The following PARN variants were observed in gnomAD, a reference collection of about 807,000 sequenced individuals.
The protein encoded by PARN is poly(A)-specific ribonuclease.
A neutral mutation model predicts 102.8 loss-of-function variants in PARN; 71 were observed. That is an observed-to-expected ratio of 0.69 (90% confidence interval 0.57 to 0.84). The LOEUF (loss-of-function observed/expected upper bound fraction) is 0.84. Ranked by LOEUF, PARN falls within the 40% of genes least tolerant of loss-of-function variation. The probability of loss-of-function intolerance (pLI) is 0.00; values close to 1 mark genes in which losing one functional copy is unlikely to be tolerated. For missense variants in PARN, 782 were observed against 760.9 expected, an observed-to-expected ratio of 1.03 and a Z score of -0.33; for synonymous variants, 261 against 252.9, an observed-to-expected ratio of 1.03 and a Z score of -0.30.
In PARN at chr16:14,482,675, G is replaced by A. The variant is rs754373655; in HGVS notation, c.1633C>T (p.Pro545Ser). The change falls in exon 22 of 24, where the codon CCC (proline) becomes TCC (serine). Residue 545 changes from proline (P) to serine (S), a missense_variant. Physicochemically the swap from Pro to Ser is moderately conservative, Grantham distance 74. Coordinates refer to ENST00000437198, the MANE Select transcript of PARN (RefSeq NM_002582.4). Reference sequence around the variant, plus strand: ...TAATAGTGATTCTGCAGGGTGTAGGGTATGCACTGGGGGTTTAACCGTTTG... The same window carrying A: ...TAATAGTGATTCTGCAGGGTGTAGGATATGCACTGGGGGTTTAACCGTTTG... ...DSKRLNPQCI[P>S]YTLQNHYYRN... 1.1e-5 allele frequency: 17 copies of A among 1,613,580 alleles called. No homozygotes were observed. Among genetic ancestry groups the A allele is most frequent in the Non-Finnish European group, 1.4e-5 (17 of 1,179,692 alleles).
intron 21 of PARN, among the ~76,000 whole-genome samples, chr16:14,505,349 C>T (rs1467189401): frequency 2.0e-5 from 3 of 152,232 alleles, no homozygotes; most frequent in East Asian, 1.9e-4. Flanking sequence ...CAGTGGCGCA[C>T]GCCTGTAGTC....
intron 1 of PARN, 136 bp from the exon 2 acceptor site, chr16:14,629,810 G>T: frequency 1.4e-6 from 1 of 723,830 alleles, no homozygotes. Context: ...CGGGGCGAGG[G>T]GAATCAAGTC....
chr16:14,501,489 ATGTAGG>A (rs1964615851), intron 21 of PARN: 1 of 148,936 alleles, frequency 6.7e-6, no homozygotes, highest in Non-Finnish European at 1.5e-5. Context: ...GAATGTTAAA[ATGTAGG>A]CAGAGGCATG....
In PARN at chr16:14,580,948, TGAAGAAAA is replaced by T. The variant is rs777142933; in HGVS notation, c.1193-13_1193-6del. ...TTGGAGGGCTGAGAAAAGAACCTAA[TGAAGAAAA>T]GAAGAGAGGTATTATTATTCATAGT... On this transcript the variant is annotated splice_region_variant and splice_polypyrimidine_tract_variant and intron_variant, in intron 17 of 23. Transcript: ENST00000437198. The T allele has an allele frequency of 6.3e-7, 1 of 1,591,474 alleles. No homozygotes were observed. The highest frequency in any genetic ancestry group is 1.3e-5 in the African/African-American group (1 of 74,590).
At chr16:14,519,222 A>C (rs543460325) in intron 21 of PARN, among the ~76,000 whole-genome samples, 4 of 149,284 alleles carry the variant, frequency 2.7e-5, no homozygotes, top group Non-Finnish European at 4.4e-5. Context: ...ATCAGTTTGA[A>C]CTCATGATGT....
At position 14,435,801 on chromosome 16, in the gene PARN, A is replaced by C. The variant is rs893449808; in HGVS notation, c.*916T>G. 1 of 152,020 alleles carries C rather than the reference A, an allele frequency of 6.6e-6. No individual in the cohort carries two copies. 9.4% of individuals were successfully genotyped at this position (152,020 alleles called of 1,614,324 possible). A position where few individuals can be genotyped will look rare whatever the true frequency, so the allele number is the denominator to read the frequency against. On this transcript the variant is annotated 3_prime_UTR_variant, in exon 24 of 24. Transcript: ENST00000437198. ...AAATATCTAACAATGATCTATCTGA[A>C]GCGGGTGGAGCAAAGCAGCGCCATG... is the stretch of plus-strand genomic sequence containing the variant.
intron 18 of PARN, among the ~76,000 whole-genome samples, chr16:14,558,994 A>G (rs571598088): frequency 6.2e-4 from 94 of 152,268 alleles, no homozygotes; most frequent in South Asian, 5.0e-3. Context: ...TATACTGTGC[A>G]CTACCTCACC....
chr16:14,520,314 T>TA (rs1842532591), intron 21 of PARN, among the ~76,000 whole-genome samples: 1 of 152,220 alleles, frequency 6.6e-6, no homozygotes, highest in African/African-American at 2.4e-5. Flanking sequence ...TGGAAAAAGA[T>TA]AAACTCATGA....
At chr16:14,622,659 C>CA (rs1460642453) in intron 5 of PARN, among the ~76,000 whole-genome samples, 1 of 152,212 alleles carries the variant, frequency 6.6e-6, no homozygotes, top group Non-Finnish European at 1.5e-5. Flanking sequence ...CGCCCGCCCC[C>CA]ACGCCTGGCT....
intron 21 of PARN, among the ~76,000 whole-genome samples, chr16:14,541,907 A>T (rs891283425): frequency 6.6e-6 from 1 of 152,228 alleles, no homozygotes; most frequent in Admixed American, 6.5e-5. Context: ...AAATTACTCA[A>T]TATACAAAGA....
intron 5 of PARN, among the ~76,000 whole-genome samples, chr16:14,619,904 T>C (rs1189778111): frequency 2.6e-5 from 4 of 151,342 alleles, no homozygotes; most frequent in African/African-American, 4.9e-5. Context: ...ACCCCGTCTC[T>C]ACTAAAAATA....
intron 21 of PARN, among the ~76,000 whole-genome samples, chr16:14,492,320 AAAGGAAATGAATC>A (rs546409420): frequency 8.3e-4 from 127 of 152,236 alleles, no homozygotes; most frequent in African/African-American, 3.0e-3. Context: ...TCAGGAAAGG[AAAGGAAATGAATC>A]AAGGAAAGGA....
chr16:14,482,928 A>ATCAGACC, intron 21 of PARN, 101 bp from the exon 22 acceptor site: 1 of 963,644 alleles, frequency 1.0e-6, no homozygotes, highest in Non-Finnish European at 1.5e-6. Flanking sequence ...AAGGAGCCCC[A>ATCAGACC]TCAGGCCTGA....
At chr16:14,476,951 AACAAACAGG>A (rs1434611117) in intron 22 of PARN, among the ~76,000 whole-genome samples, 2 of 152,352 alleles carry the variant, frequency 1.3e-5, no homozygotes, top group East Asian at 3.9e-4. Flanking sequence ...AGGGACACAG[AACAAACAGG>A]ACAAACAGGA....
At chr16:14,532,570 C>T (rs961154524) in intron 21 of PARN, among the ~76,000 whole-genome samples, 2 of 152,162 alleles carry the variant, frequency 1.3e-5, no homozygotes, top group Non-Finnish European at 2.9e-5. Flanking sequence ...CTACCTCTCT[C>T]CACACAGACA....
At chr16:14,617,160 A>C (rs543312010) in intron 6 of PARN, among the ~76,000 whole-genome samples, 1 of 151,430 alleles carries the variant, frequency 6.6e-6, no homozygotes, top group Non-Finnish European at 1.5e-5. Context: ...CAAGGTGGGC[A>C]GATCACGAGG....
intron 23 of PARN, among the ~76,000 whole-genome samples, chr16:14,439,598 G>C (rs377490602): frequency 1.8e-4 from 28 of 152,222 alleles, no homozygotes; most frequent in African/African-American, 6.3e-4. Context: ...GAAAATATTT[G>C]CAACTTAGAG....
At chr16:14,463,561 C>T (rs1337132812) in intron 22 of PARN, among the ~76,000 whole-genome samples, 1 of 151,984 alleles carries the variant, frequency 6.6e-6, no homozygotes, top group Non-Finnish European at 1.5e-5. Context: ...TATAACTGCA[C>T]TCCATATGTT....
chr16:14,539,852 G>GA (rs1190436014), intron 21 of PARN, among the ~76,000 whole-genome samples: 1 of 152,140 alleles, frequency 6.6e-6, no homozygotes, highest in Non-Finnish European at 1.5e-5. Context: ...ATATTTGGGG[G>GA]AAAAAATTGC....
Sources: gnomAD v4.1 joint callset for allele counts (sites outside exome capture counted in the v4.1 genomes callset) on GRCh38, gnomAD v4.1.1 for gene constraint, MANE v1.5 for transcripts, NCBI Gene and HGNC (gene_info 2026-07-23, HGNC 2026-07-21) for gene names.